Variants in PARD3 observed in about 807,000 individuals in gnomAD.
PARD3 encodes the protein par-3 family cell polarity regulator, also known as partitioning defective 3 homolog.
Under a neutral mutation model 155.4 loss-of-function variants are expected in PARD3, and 75 were observed. The observed-to-expected ratio is 0.48, with a 90% CI of 0.40 to 0.58. The LOEUF (loss-of-function observed/expected upper bound fraction) is 0.58, where lower values mean the gene tolerates loss of function less well. Ranked by LOEUF, PARD3 falls within the 20% of genes least tolerant of loss-of-function variation. The probability of loss-of-function intolerance (pLI) is 0.00; values close to 1 mark genes in which losing one functional copy is unlikely to be tolerated. For synonymous variants in PARD3, 576 were observed against 610.5 expected (o/e 0.94, Z 0.83); for missense variants, 1,642 against 1,721.7 (o/e 0.95, Z 0.82).
chr10:34,446,232 G>A (rs1733709639), intron 5 of PARD3, among the ~76,000 whole-genome samples: 1 of 152,122 alleles, frequency 6.6e-6, no homozygotes, highest in African/African-American at 2.4e-5. Context: ...ATGTGAGTGA[G>A]GTTGCTAAGC....
At chr10:34,260,769 T>A (rs1159158644) in intron 22 of PARD3, among the ~76,000 whole-genome samples, 2 of 152,220 alleles carry the variant, frequency 1.3e-5, no homozygotes, top group African/African-American at 2.4e-5. Context: ...CAAACATAAA[T>A]AAAGTGGTAT....
At chr10:34,423,181 G>A (rs766503899) in intron 5 of PARD3, among the ~76,000 whole-genome samples, 8 of 152,128 alleles carry the variant, frequency 5.3e-5, no homozygotes, top group Non-Finnish European at 1.0e-4. Flanking sequence ...CAACATGAAT[G>A]ATAGTGGAGG....
intron 18 of PARD3, among the ~76,000 whole-genome samples, chr10:34,331,876 C>A (rs942755811): frequency 6.6e-6 from 1 of 152,086 alleles, no homozygotes; most frequent in South Asian, 2.1e-4. Flanking sequence ...AGTAAGACCA[C>A]GGGGGCCAAC....
chr10:34,432,041 C>CAAAAAAAAAAAAAAAAAAAAAA (rs142848273), intron 5 of PARD3, among the ~76,000 whole-genome samples: 5 of 21,592 alleles, frequency 2.3e-4, no homozygotes, highest in African/African-American at 3.6e-4. Context: ...GACTCTGTCT[C>CAAAAAAAAAAAAAAAAAAAAAA]AAAAAAAAAA....
At chr10:34,354,329 G>C (rs1347746079) in intron 14 of PARD3, among the ~76,000 whole-genome samples, 1 of 150,986 alleles carries the variant, frequency 6.6e-6, no homozygotes, top group African/African-American at 2.4e-5. Flanking sequence ...AGTGAGCTGA[G>C]ATCACGCCAC....
intron 7 of PARD3, among the ~76,000 whole-genome samples, chr10:34,396,124 C>T (rs1413289621): frequency 6.6e-6 from 1 of 152,100 alleles, no homozygotes; most frequent in Non-Finnish European, 1.5e-5. Flanking sequence ...CTGAGGCCGG[C>T]GGATCACTTG....
At chr10:34,312,620 C>T (rs1439591902) in intron 20 of PARD3, among the ~76,000 whole-genome samples, 1 of 152,168 alleles carries the variant, frequency 6.6e-6, no homozygotes, top group Non-Finnish European at 1.5e-5. Context: ...ATTTCCTCTT[C>T]AAAACTGAAT....
chr10:34,658,778 C>G (rs924402838), intron 2 of PARD3, among the ~76,000 whole-genome samples: 2 of 152,090 alleles, frequency 1.3e-5, no homozygotes, highest in East Asian at 1.9e-4. Flanking sequence ...GACGTCTCCT[C>G]GAAAAGCAGA....
At chr10:34,493,474 G>A (rs541908432) in intron 3 of PARD3, among the ~76,000 whole-genome samples, 9 of 152,294 alleles carry the variant, frequency 5.9e-5, no homozygotes, top group Admixed American at 3.9e-4. Context: ...GCTCATGCCT[G>A]TAATCTCAGC....
intron 2 of PARD3, among the ~76,000 whole-genome samples, chr10:34,553,353 T>C (rs755818392): frequency 1.3e-5 from 2 of 152,198 alleles, no homozygotes; most frequent in Non-Finnish European, 1.5e-5. Flanking sequence ...ATGTCCTGGG[T>C]ACTGTGATTG....
chr10:34,810,683 G>GGGAC (rs765992186), intron 1 of PARD3, among the ~76,000 whole-genome samples: 38 of 152,308 alleles, frequency 2.5e-4, no homozygotes, highest in African/African-American at 8.4e-4. Context: ...CAGCAATAGT[G>GGGAC]GGACACCTGG....
intron 20 of PARD3, among the ~76,000 whole-genome samples, chr10:34,294,904 G>A (rs1460310666): frequency 1.3e-5 from 2 of 152,048 alleles, no homozygotes; most frequent in African/African-American, 4.8e-5. Flanking sequence ...ATCCTGGAGA[G>A]TTTAACACAC....
At chr10:34,479,319 G>A (rs917965113) in intron 3 of PARD3, among the ~76,000 whole-genome samples, 5 of 151,784 alleles carry the variant, frequency 3.3e-5, no homozygotes, top group South Asian at 2.1e-4. Flanking sequence ...CTGCCACCAC[G>A]CCCGGCTAAT....
At chr10:34,647,689 T>C (rs2092885935) in intron 2 of PARD3, among the ~76,000 whole-genome samples, 1 of 152,280 alleles carries the variant, frequency 6.6e-6, no homozygotes, top group Admixed American at 6.5e-5. Context: ...ATTGCACTTC[T>C]AATTATCTTT....
intron 1 of PARD3, among the ~76,000 whole-genome samples, chr10:34,740,028 G>A (rs559076846): frequency 6.6e-6 from 1 of 152,308 alleles, no homozygotes; most frequent in East Asian, 1.9e-4. Flanking sequence ...ATGGAGAAGG[G>A]AAGGGAAGAA....
intron 5 of PARD3, among the ~76,000 whole-genome samples, chr10:34,432,938 CA>C (rs2076020067): frequency 2.0e-5 from 3 of 152,124 alleles, no homozygotes; most frequent in Admixed American, 1.3e-4. Context: ...AGCTTAGAAA[CA>C]GAATGTCAGA....
chr10:34,187,080 G>A (rs1405989839), intron 22 of PARD3, among the ~76,000 whole-genome samples: 2 of 152,218 alleles, frequency 1.3e-5, no homozygotes, highest in Non-Finnish European at 2.9e-5. Context: ...TGAACAATGA[G>A]TGGTGTTTCA....
intron 22 of PARD3, among the ~76,000 whole-genome samples, chr10:34,198,694 C>G (rs1399235759): frequency 6.6e-6 from 1 of 152,136 alleles, no homozygotes; most frequent in Non-Finnish European, 1.5e-5. Flanking sequence ...CAACAGTCAA[C>G]TGAAGTGCAC....
At chr10:34,747,896 A>G (rs1835502755) in intron 1 of PARD3, among the ~76,000 whole-genome samples, 1 of 152,212 alleles carries the variant, frequency 6.6e-6, no homozygotes, top group African/African-American at 2.4e-5. Flanking sequence ...AGCGGCTGGA[A>G]AAGTAAAAAT....
Sources: allele counts gnomAD v4.1 joint callset (sites outside exome capture counted in the v4.1 genomes callset), GRCh38; gene constraint gnomAD v4.1.1; transcripts MANE v1.5; gene names NCBI Gene and HGNC (gene_info 2026-07-23, HGNC 2026-07-21).